BCAS3: variants seen among roughly 807,000 people sequenced by gnomAD.
BCAS3 encodes BCAS4/BCAS3 fusion.
BCAS3 carries 53 observed loss-of-function variants against 116.1 expected under a neutral mutation model. The observed-to-expected ratio is 0.46, with a 90% CI of 0.37 to 0.57. BCAS3 has a LOEUF of 0.57. Among genes scored for constraint, BCAS3 ranks in the 20% least tolerant of loss-of-function variants. The pLI is 0.00. For synonymous variants in BCAS3, 391 were observed against 408.2 expected, an observed-to-expected ratio of 0.96 and a Z score of 0.51; for missense variants, 917 against 1,165.4, an observed-to-expected ratio of 0.79 and a Z score of 3.10.
chr17:61,184,174 T>G (rs2079632808), intron 22 of BCAS3, among the ~76,000 whole-genome samples: 1 of 152,108 alleles, frequency 6.6e-6, no homozygotes, highest in South Asian at 2.1e-4. Flanking sequence ...CAGAGAAAAT[T>G]TCAGTATTCA....
In BCAS3 at chr17:61,233,169, T is replaced by C. The variant is rs2082793720; in HGVS notation, c.2426-135158T>C. On this transcript the variant is annotated intron_variant, in intron 22 of 23. Transcript: ENST00000407086. This position sits in a 1 kb window ranked among gnomAD's most constrained non-coding sequence, Gnocchi z 4.3. ...TTTTTTAAAAAACTCCTCTCCATATTATCTAGCAACACTCTTTGAGGGATA... is the reference window on the plus strand; with the variant it reads ...TTTTTTAAAAAACTCCTCTCCATATCATCTAGCAACACTCTTTGAGGGATA... Among the ~76,000 whole-genome samples the C allele has an allele frequency of 6.6e-6, 1 of 152,210 alleles. No individual in the cohort carries two copies. Among genetic ancestry groups the C allele is most frequent in the Non-Finnish European group, 1.5e-5 (1 of 68,032 alleles).
chr17:60,741,216 G>A (rs2041516216), intron 5 of BCAS3, among the ~76,000 whole-genome samples: 1 of 152,118 alleles, frequency 6.6e-6, no homozygotes, highest in South Asian at 2.1e-4. Flanking sequence ...TTTTTCTGAC[G>A]GATGTAAGAA....
chr17:61,381,079 A>G lies in BCAS3; in HGVS notation c.2594-10898A>G, dbSNP rs1015529259. Among the ~76,000 whole-genome samples the G allele has an allele frequency of 7.9e-5, 12 of 152,220 alleles. No homozygotes were observed. Among genetic ancestry groups the G allele is most frequent in the Admixed American group, 2.6e-4 (4 of 15,284 alleles). Reference sequence around the variant, plus strand: ...CATTTATACAACCTAATGTAACACAAAATTCATTACTGATCACATTACTTT... The same window carrying G: ...CATTTATACAACCTAATGTAACACAGAATTCATTACTGATCACATTACTTT... On this transcript the variant is annotated intron_variant, in intron 23 of 23. Coordinates refer to ENST00000407086, the MANE Select transcript of BCAS3 (RefSeq NM_017679.5). The surrounding 1 kb of genome is among the most constrained non-coding windows in gnomAD (Gnocchi z 6.0).
chr17:60,878,043 T>G (rs2055780617), intron 9 of BCAS3, among the ~76,000 whole-genome samples: 2 of 149,012 alleles, frequency 1.3e-5, no homozygotes, highest in African/African-American at 5.0e-5. Flanking sequence ...GGAGTCTCAC[T>G]CTTTTGCCCA....
In BCAS3 at chr17:61,248,165, C is replaced by T. The variant is rs1185726111; in HGVS notation, c.2426-120162C>T. ...TTCTGAGCACTTCTTGGATCCTTTC[C>T]CCAACAAAGCCACCAAGGGAACTTC... On this transcript the variant is annotated intron_variant, in intron 22 of 23. Coordinates refer to ENST00000407086, the MANE Select transcript of BCAS3 (RefSeq NM_017679.5). The surrounding 1 kb of genome is among the most constrained non-coding windows in gnomAD (Gnocchi z 4.3). 6.6e-6 allele frequency among the ~76,000 whole-genome samples: 1 copy of T among 152,084 alleles called. No homozygotes were observed. Among genetic ancestry groups the T allele is most frequent in the Non-Finnish European group, 1.5e-5 (1 of 68,016 alleles).
intron 22 of BCAS3, among the ~76,000 whole-genome samples, chr17:61,138,597 C>A (rs745726239): frequency 6.6e-6 from 1 of 152,056 alleles, no homozygotes; most frequent in Non-Finnish European, 1.5e-5. Context: ...ATAAATTATC[C>A]ATTTAGGGGG....
At chr17:60,965,516 C>T (rs909478210) in intron 14 of BCAS3, among the ~76,000 whole-genome samples, 5 of 152,042 alleles carry the variant, frequency 3.3e-5, no homozygotes, top group Non-Finnish European at 7.4e-5. Flanking sequence ...CCACCACGCC[C>T]GGCCTATATA....
intron 22 of BCAS3, among the ~76,000 whole-genome samples, chr17:61,308,803 A>C (rs758249139): frequency 1.2e-4 from 18 of 152,286 alleles, no homozygotes; most frequent in Non-Finnish European, 2.4e-4. Flanking sequence ...CAGCTTATTA[A>C]ACAGATTTAT....
At position 61,271,589 on chromosome 17, in the gene BCAS3, C is replaced by CTGTGTGTG. The variant is rs34693526; in HGVS notation, c.2426-96700_2426-96693dup. 7.0e-3 allele frequency among the ~76,000 whole-genome samples: 834 copies of CTGTGTGTG among 118,410 alleles called. 5 individuals carry two copies. The highest frequency in any genetic ancestry group is 0.01 in the African/African-American group (311 of 30,322). The allele number at this position is 118,410 out of a possible 152,430, so 77.7% of individuals were successfully genotyped here. On this transcript the variant is annotated intron_variant, in intron 22 of 23. Coordinates refer to ENST00000407086, the MANE Select transcript of BCAS3 (RefSeq NM_017679.5). ...CAGGCGCCCGCCATCACGCCCAGCT[C>CTGTGTGTG]TGTGTGTGTGTGTGTGTGTGTGTGT...
At chr17:60,749,056 T>C (rs959673017) in intron 6 of BCAS3, 3 of 152,198 alleles carry the variant, frequency 2.0e-5, no homozygotes, top group African/African-American at 7.2e-5. Context: ...CTTTTAGATT[T>C]TTTTCCCCCA....
At chr17:60,921,098 A>T (rs1296397618) in intron 12 of BCAS3, among the ~76,000 whole-genome samples, 3 of 152,174 alleles carry the variant, frequency 2.0e-5, no homozygotes, top group Admixed American at 2.0e-4. Context: ...TGGCTCTACC[A>T]AAAAGAGACA....
At position 61,104,949 on chromosome 17, in the gene BCAS3, A is replaced by G. The variant is rs781176590; in HGVS notation, c.2425+20385A>G. Reference sequence around the variant, plus strand: ...CAGGTTGTTTAATAAAACTAGGAATAGCTGAGAGTAGGAAAACTCATGAGG... The same window carrying G: ...CAGGTTGTTTAATAAAACTAGGAATGGCTGAGAGTAGGAAAACTCATGAGG... On this transcript the variant is annotated intron_variant, in intron 22 of 23. Coordinates refer to ENST00000407086, the MANE Select transcript of BCAS3 (RefSeq NM_017679.5). This position sits in a 1 kb window ranked among gnomAD's most constrained non-coding sequence, Gnocchi z 4.1. Among the ~76,000 whole-genome samples, 7 of 152,222 alleles carry G rather than the reference A, an allele frequency of 4.6e-5. No individual in the cohort carries two copies. Among genetic ancestry groups the G allele is most frequent in the Admixed American group, 1.3e-4 (2 of 15,278 alleles).
At chr17:60,718,940 T>C (rs1283561537) in intron 5 of BCAS3, among the ~76,000 whole-genome samples, 1 of 152,118 alleles carries the variant, frequency 6.6e-6, no homozygotes, top group Non-Finnish European at 1.5e-5. Context: ...CAGGTGCCTG[T>C]AGTCCCAGCT....
chr17:60,807,326 C>G (rs1365651322), intron 6 of BCAS3, among the ~76,000 whole-genome samples: 1 of 152,058 alleles, frequency 6.6e-6, no homozygotes, highest in African/African-American at 2.4e-5. Flanking sequence ...TGGGAATGAC[C>G]TATAGTTTTA....
rs1376062109 is a variant in BCAS3 at position 61,144,820 on chromosome 17, C to T, written c.2425+60256C>T. On this transcript the variant is annotated intron_variant, in intron 22 of 23. Coordinates refer to ENST00000407086, the MANE Select transcript of BCAS3 (RefSeq NM_017679.5). The surrounding 1 kb of genome is among the most constrained non-coding windows in gnomAD (Gnocchi z 5.0). ...TCAGTTGATTTACCTCAAAGAATTACTTCATGTAGATTAACTGAAATAATG... is the reference window on the plus strand; with the variant it reads ...TCAGTTGATTTACCTCAAAGAATTATTTCATGTAGATTAACTGAAATAATG... Among the ~76,000 whole-genome samples the T allele has an allele frequency of 2.0e-5, 3 of 152,142 alleles. No individual in the cohort carries two copies. The highest frequency in any genetic ancestry group is 4.8e-5 in the African/African-American group (2 of 41,434).
At chr17:61,320,769 G>A (rs530033973) in intron 22 of BCAS3, among the ~76,000 whole-genome samples, 84 of 152,068 alleles carry the variant, frequency 5.5e-4, no homozygotes, top group African/African-American at 2.0e-3. Flanking sequence ...TTTACCCAGA[G>A]GGTATAATTA....
intron 22 of BCAS3, among the ~76,000 whole-genome samples, chr17:61,191,501 CG>C (rs1173857242): frequency 1.3e-5 from 2 of 152,094 alleles, no homozygotes; most frequent in African/African-American, 4.8e-5. Context: ...TAAGGCCAGG[CG>C]CGGTGGCTCA....
intron 6 of BCAS3, among the ~76,000 whole-genome samples, chr17:60,756,876 C>T (rs1204368519): frequency 6.6e-6 from 1 of 152,098 alleles, no homozygotes; most frequent in African/African-American, 2.4e-5. Flanking sequence ...TTTACATTCC[C>T]ACCAACAGCA....
chr17:61,108,917 G>A (rs528377853), intron 22 of BCAS3, among the ~76,000 whole-genome samples: 223 of 152,222 alleles, frequency 1.5e-3, no homozygotes, highest in Non-Finnish European at 2.6e-3. Context: ...GCTGGGCACG[G>A]CGGCTCATGC....
Sources: gnomAD v4.1 joint callset for allele counts (sites outside exome capture counted in the v4.1 genomes callset) on GRCh38, gnomAD v4.1.1 for gene constraint, Gnocchi (gnomAD v3.1) non-coding constraint, MANE v1.5 for transcripts, NCBI Gene and HGNC (gene_info 2026-07-23, HGNC 2026-07-21) for gene names.